RP1L1: variants seen among roughly 807,000 people sequenced by gnomAD.
The protein encoded by RP1L1 is RP1 like 1.
In RP1L1, 27 loss-of-function variants were observed where a neutral mutation model predicts 15.7. That is an observed-to-expected ratio of 1.72 (90% CI 1.27 to 2.38). The LOEUF is 2.38. Ranked by LOEUF, RP1L1 falls within the 30% of genes most tolerant of loss-of-function variation. RP1L1 has a pLI of 0.00. For synonymous variants in RP1L1, 1,813 were observed against 1,276.7 expected (o/e 1.42, Z -8.96); for missense variants, 4,798 against 3,075.9 (o/e 1.56, Z -13.24).
intron 1 of RP1L1, among the ~76,000 whole-genome samples, chr8:10,650,239 A>C (rs1798539044): frequency 6.6e-6 from 1 of 152,028 alleles, no homozygotes; most frequent in Non-Finnish European, 1.5e-5. Context: ...TCAACCCCAA[A>C]TTTCCCTGCC....
In RP1L1 at chr8:10,606,973, G is replaced by T. The variant is rs753915889; in HGVS notation, c.7125C>A (p.Asp2375Glu). Residue 2375 changes from aspartate (D) to glutamate (E), a missense_variant, in exon 4 of 4, where the codon GAC (aspartate) becomes GAA (glutamate). Coordinates refer to ENST00000382483, the MANE Select transcript of RP1L1 (RefSeq NM_178857.6). Reference protein sequence around the residue: ...GASEGYDLQEDQALGSLAPTE... With the variant: ...GASEGYDLQEEQALGSLAPTE... ...TGGGGGCGAGACTTCCGAGTGCCTG[G>T]TCCTCTTGTAGGTCATAACCTTCAC... 3 of 1,614,218 alleles carry T rather than the reference G, an allele frequency of 1.9e-6. No homozygotes were observed. Among genetic ancestry groups the T allele is most frequent in the Non-Finnish European group, 2.5e-6 (3 of 1,180,052 alleles).
In RP1L1 at chr8:10,612,908, C is replaced by T. The variant is rs559827555; in HGVS notation, c.1190G>A (p.Arg397Gln). Residue 397 changes from arginine to glutamine, a missense_variant, in exon 4 of 4, where the codon CGA (arginine) becomes CAA (glutamine). Physicochemically the swap from Arg to Gln is conservative, Grantham distance 43. Coordinates refer to ENST00000382483, the MANE Select transcript of RP1L1 (RefSeq NM_178857.6). ...ATACTTGGGCCCTGGCTGCCCGCCTCGGCCAAAGACTTCCCTGCATCCCAC... is the reference window on the plus strand; with the variant it reads ...ATACTTGGGCCCTGGCTGCCCGCCTTGGCCAAAGACTTCCCTGCATCCCAC... ...CRVGCREVFG[R>Q]GGQPGPKYEI... 42 of 1,613,070 alleles carry T rather than the reference C, an allele frequency of 2.6e-5. No individual in the cohort carries two copies. The highest frequency in any genetic ancestry group is 5.3e-5 in the African/African-American group (4 of 75,068).
intron 2 of RP1L1, among the ~76,000 whole-genome samples, chr8:10,620,608 A>G (rs1798042702): frequency 6.6e-6 from 1 of 151,982 alleles, no homozygotes; most frequent in Non-Finnish European, 1.5e-5. Flanking sequence ...CTCTGTCTCA[A>G]AAAAAAAGGA....
chr8:10,633,536 G>A (rs948614874), intron 1 of RP1L1, among the ~76,000 whole-genome samples: 5 of 152,144 alleles, frequency 3.3e-5, no homozygotes, highest in Non-Finnish European at 7.4e-5. Flanking sequence ...AAACACCCTC[G>A]ATGACTCTAC....
chr8:10,654,078 C>G (rs916178426), intron 1 of RP1L1, among the ~76,000 whole-genome samples: 1 of 152,178 alleles, frequency 6.6e-6, no homozygotes, highest in Admixed American at 6.5e-5. Context: ...GCTGCAGCCG[C>G]GCTGGACCTC....
At chr8:10,646,586 G>A (rs968515084) in intron 1 of RP1L1, among the ~76,000 whole-genome samples, 1 of 152,084 alleles carries the variant, frequency 6.6e-6, no homozygotes, top group Non-Finnish European at 1.5e-5. Context: ...ACTTCCGCTT[G>A]GCCCTCTGGA....
intron 1 of RP1L1, among the ~76,000 whole-genome samples, chr8:10,651,740 A>G (rs925500342): frequency 6.8e-6 from 1 of 146,618 alleles, no homozygotes; most frequent in African/African-American, 2.5e-5. Context: ...CTGGCAACAG[A>G]GCGAGACTCC....
Position 10,622,936 on chromosome 8 carries a change from C to T in RP1L1, c.266G>A (p.Ser89Asn), listed in dbSNP as rs752792709. The change falls in exon 2 of 4, where the codon AGC becomes AAC. Residue 89 changes from serine (S) to asparagine (N), a missense_variant. Physicochemically the swap from Ser to Asn is conservative, Grantham distance 46. Coordinates refer to ENST00000382483, the MANE Select transcript of RP1L1 (RefSeq NM_178857.6). ...RSVTTPRGLH[S>N]LSALEQLEDG... ...TTCCAGCTGCTCCAGGGCGCTGAGGCTATGCAGGCCCCGGGGTGTGGTGAC... is the reference window on the plus strand; with the variant it reads ...TTCCAGCTGCTCCAGGGCGCTGAGGTTATGCAGGCCCCGGGGTGTGGTGAC... 1.2e-5 allele frequency: 19 copies of T among 1,613,960 alleles called. No individual in the cohort carries two copies. The highest frequency in any genetic ancestry group is 3.3e-5 in the Admixed American group (2 of 60,000).
Position 10,611,165 on chromosome 8 carries a change from T to C in RP1L1, c.2933A>G (p.Glu978Gly). The change falls in exon 4 of 4, where the codon GAG becomes GGG. Residue 978 changes from glutamate to glycine, a missense_variant. Transcript: ENST00000382483. The part of the protein sequence containing the change: ...PILMTYELAD[E>G]TTGAAGGGLR... ...GCCACCCCCAGCTGCACCTGTGGTC[T>C]CGTCCGCCAACTCATATGTCATGAG... 6.2e-7 allele frequency: 1 copy of C among 1,612,614 alleles called. No homozygotes were observed. Among genetic ancestry groups the C allele is most frequent in the Non-Finnish European group, 8.5e-7 (1 of 1,179,690 alleles).
intron 1 of RP1L1, among the ~76,000 whole-genome samples, chr8:10,629,307 C>T (rs556587570): frequency 6.6e-6 from 1 of 152,136 alleles, no homozygotes; most frequent in East Asian, 1.9e-4. Context: ...GGGGGCTACC[C>T]ATGGCCCTGA....
chr8:10,607,795 T>C lies in RP1L1; in HGVS notation c.6303A>G (p.Val2101=), dbSNP rs1369755362. The C allele has an allele frequency of 1.2e-6, 2 of 1,605,636 alleles. No homozygotes were observed. The highest frequency in any genetic ancestry group is 2.3e-5 in the East Asian group (1 of 43,938). ...CCTCCCCTTCTGCCTCTGGGGCCTC[T>C]ACACCTTCTGATTCTGGCTGGGCCT... ...EGEAQPESEG[V]EAPEAEGEAQ... Residue 2101 remains valine, a synonymous_variant, in exon 4 of 4, where the codon GTA becomes GTG. Transcript: ENST00000382483.
intron 1 of RP1L1, among the ~76,000 whole-genome samples, chr8:10,651,009 G>C (rs1042963598): frequency 2.0e-5 from 3 of 152,228 alleles, no homozygotes; most frequent in Admixed American, 6.5e-5. Context: ...AATAGCTGTA[G>C]TGTTTTATGG....
intron 1 of RP1L1, among the ~76,000 whole-genome samples, chr8:10,636,824 A>G (rs994250027): frequency 1.2e-4 from 19 of 152,278 alleles, no homozygotes; most frequent in African/African-American, 4.1e-4. Flanking sequence ...CCTCCTGGCT[A>G]TCCCTGGGGC....
intron 1 of RP1L1, among the ~76,000 whole-genome samples, chr8:10,637,228 A>C (rs7002088): frequency 0.47 from 72,035 of 151,992 alleles, 18,134 homozygotes; most frequent in East Asian, 0.94. Flanking sequence ...CGTCCCCTTC[A>C]CAGTCCCCAA....
chr8:10,617,414 A>G (rs1463710119), intron 2 of RP1L1, among the ~76,000 whole-genome samples: 14 of 150,246 alleles, frequency 9.3e-5, no homozygotes, highest in African/African-American at 3.4e-4. Context: ...AAAAAAAAAA[A>G]AAAAAAAGAA....
chr8:10,653,821 G>A (rs150686083), intron 1 of RP1L1, among the ~76,000 whole-genome samples: 1 of 152,342 alleles, frequency 6.6e-6, no homozygotes, highest in Non-Finnish European at 1.5e-5. Context: ...AAAGAACGAT[G>A]TGGAGTGCAC....
At chr8:10,635,093 C>T (rs1798308762) in intron 1 of RP1L1, among the ~76,000 whole-genome samples, 1 of 152,162 alleles carries the variant, frequency 6.6e-6, no homozygotes, top group Non-Finnish European at 1.5e-5. Context: ...AGCAATGGAA[C>T]CGGGGAGGGA....
Position 10,606,930 on chromosome 8 carries a change from C to A in RP1L1, c.7168G>T (p.Ala2390Ser), listed in dbSNP as rs754858933. ...SLAPTEAVGR[A>S]DGFGQDDLDF Reference sequence around the variant, plus strand: ...AAGTCATCTTGGCCAAAGCCGTCTGCCCTGCCCACTGCCTCAGTGGGGGCG... The same window carrying A: ...AAGTCATCTTGGCCAAAGCCGTCTGACCTGCCCACTGCCTCAGTGGGGGCG... Residue 2390 changes from alanine (A) to serine (S), a missense_variant, in exon 4 of 4, where the codon GCA (alanine) becomes TCA (serine). Physicochemically the swap from Ala to Ser is moderately conservative, Grantham distance 99. Coordinates refer to ENST00000382483, the MANE Select transcript of RP1L1 (RefSeq NM_178857.6). 1 of 1,614,268 alleles carries A rather than the reference C, an allele frequency of 6.2e-7. No individual in the cohort carries two copies. Among genetic ancestry groups the A allele is most frequent in the South Asian group, 1.1e-5 (1 of 91,084 alleles).
chr8:10,621,609 C>G (rs758069482), intron 2 of RP1L1: 8 of 432,248 alleles, frequency 1.9e-5, no homozygotes, highest in African/African-American at 1.4e-4. Flanking sequence ...TACAGGCGTG[C>G]GCCACTGTGC....
Sources: gnomAD v4.1 joint callset for allele counts (sites outside exome capture counted in the v4.1 genomes callset) on GRCh38, gnomAD v4.1.1 for gene constraint, MANE v1.5 for transcripts, NCBI Gene and HGNC (gene_info 2026-07-23, HGNC 2026-07-21) for gene names.